The following ZMAT4 variants were observed in gnomAD, a reference collection of about 807,000 sequenced individuals.
The protein encoded by ZMAT4 is zinc finger matrin-type 4.
A neutral mutation model predicts 28.7 loss-of-function variants in ZMAT4; 17 were observed. That is an observed-to-expected ratio of 0.59 (90% CI 0.41 to 0.89). The LOEUF (loss-of-function observed/expected upper bound fraction) is 0.89. Ranked by LOEUF, ZMAT4 falls within the 40% of genes least tolerant of loss-of-function variation. The probability of loss-of-function intolerance (pLI) is 0.00; values close to 1 mark genes in which losing one functional copy is unlikely to be tolerated. For synonymous variants in ZMAT4, 117 were observed against 109.2 expected (o/e 1.07, Z -0.44); for missense variants, 240 against 283.8 (o/e 0.85, Z 1.11).
intron 5 of ZMAT4, among the ~76,000 whole-genome samples, chr8:40,660,393 A>G (rs1269719496): frequency 1.3e-5 from 2 of 152,244 alleles, no homozygotes; most frequent in African/African-American, 2.4e-5. Context: ...CATCCTTCAA[A>G]TAATGTTAGA....
At chr8:40,892,138 A>C (rs1818715205) in intron 1 of ZMAT4, among the ~76,000 whole-genome samples, 1 of 152,182 alleles carries the variant, frequency 6.6e-6, no homozygotes, top group Admixed American at 6.5e-5. Context: ...CCGTTCCGTA[A>C]GGTAACAGGT....
chr8:40,653,276 C>G (rs1169424060), intron 5 of ZMAT4, among the ~76,000 whole-genome samples: 4 of 151,782 alleles, frequency 2.6e-5, no homozygotes, highest in Admixed American at 6.6e-5. Context: ...ATATTTATAA[C>G]TATAAATAAA....
At chr8:40,786,302 G>T (rs1045935253) in intron 2 of ZMAT4, among the ~76,000 whole-genome samples, 8 of 152,106 alleles carry the variant, frequency 5.3e-5, no homozygotes, top group African/African-American at 1.9e-4. Flanking sequence ...ACAAAGGTTT[G>T]AGTCCTATTA....
chr8:40,553,201 C>T (rs1803420698), intron 6 of ZMAT4, among the ~76,000 whole-genome samples: 1 of 152,152 alleles, frequency 6.6e-6, no homozygotes, highest in Non-Finnish European at 1.5e-5. Context: ...CGTGTGAGTG[C>T]AACACCTTGG....
chr8:40,867,513 C>T (rs543014185), intron 1 of ZMAT4, among the ~76,000 whole-genome samples: 1 of 152,240 alleles, frequency 6.6e-6, no homozygotes, highest in East Asian at 1.9e-4. Flanking sequence ...TGATCTGCAC[C>T]CTCCACCCTC....
At chr8:40,820,346 ATGTGTGTGTTTG>A (rs1376127435) in intron 2 of ZMAT4, among the ~76,000 whole-genome samples, 2 of 145,002 alleles carry the variant, frequency 1.4e-5, no homozygotes. Flanking sequence ...GTGTGTGTTT[ATGTGTGTGTTTG>A]TGTGTGTCTA....
rs151214286 is a variant in ZMAT4, at chr8:40,816,372, T to C, written c.102+9203A>G. On this transcript the variant is annotated intron_variant, in intron 2 of 6. Coordinates refer to ENST00000297737, the MANE Select transcript of ZMAT4 (RefSeq NM_024645.3). ...TCCCCCTCCACTAACATATAATGACTATAATGTAAGGAAGAAAGAATTTTT... is the reference window on the plus strand; with the variant it reads ...TCCCCCTCCACTAACATATAATGACCATAATGTAAGGAAGAAAGAATTTTT... Among the ~76,000 whole-genome samples, 427 of 152,256 alleles carry C rather than the reference T, an allele frequency of 2.8e-3. 1 individual carries two copies. The highest frequency in any genetic ancestry group is 0.017 in the Middle Eastern group (5 of 294).
intron 5 of ZMAT4, among the ~76,000 whole-genome samples, chr8:40,639,196 G>T (rs77397051): frequency 0.076 from 11,564 of 152,108 alleles, 880 homozygotes; most frequent in East Asian, 0.43. Context: ...AGCTTTGCTG[G>T]TTTTTTTTAG....
At chr8:40,786,725 C>T in intron 2 of ZMAT4, 1 of 1,289,280 alleles carries the variant, frequency 7.8e-7, no homozygotes, top group Non-Finnish European at 1.0e-6. Flanking sequence ...TTCAGTGTGA[C>T]ATCTTCTTTT....
intron 5 of ZMAT4, among the ~76,000 whole-genome samples, chr8:40,611,130 C>T (rs1044579908): frequency 3.3e-5 from 5 of 152,086 alleles, no homozygotes; most frequent in African/African-American, 1.2e-4. Flanking sequence ...TTTTAATGGA[C>T]TATGCAATAG....
At position 40,822,450 on chromosome 8, in the gene ZMAT4, C is replaced by T. The variant is rs555405830; in HGVS notation, c.102+3125G>A. 2.0e-5 allele frequency among the ~76,000 whole-genome samples: 3 copies of T among 152,276 alleles called. No individual in the cohort carries two copies. In the South Asian group the frequency reaches 6.2e-4, roughly 32 times the overall value. ...TGGAGACTAAGTGTGACAGCAATTT[C>T]AATGAATTGAATGGAATTTCGATCT... On this transcript the variant is annotated intron_variant, in intron 2 of 6. Transcript: ENST00000297737.
At chr8:40,562,644 C>T (rs1651644395) in intron 6 of ZMAT4, among the ~76,000 whole-genome samples, 1 of 152,040 alleles carries the variant, frequency 6.6e-6, no homozygotes, top group Non-Finnish European at 1.5e-5. Context: ...TTTCTTTCTA[C>T]CCCAGCCATT....
intron 6 of ZMAT4, among the ~76,000 whole-genome samples, chr8:40,544,703 G>A (rs931576501): frequency 2.0e-5 from 3 of 152,082 alleles, no homozygotes; most frequent in African/African-American, 7.2e-5. Flanking sequence ...AAGTAGCAGA[G>A]ACAGTGCAAA....
chr8:40,634,293 G>A (rs1162785208), intron 5 of ZMAT4, among the ~76,000 whole-genome samples: 2 of 152,192 alleles, frequency 1.3e-5, no homozygotes, highest in African/African-American at 4.8e-5. Flanking sequence ...TGGTCCACAA[G>A]TAGGTAGAGG....
At chr8:40,588,783 A>G (rs1804753884) in intron 5 of ZMAT4, among the ~76,000 whole-genome samples, 1 of 152,170 alleles carries the variant, frequency 6.6e-6, no homozygotes, top group African/African-American at 2.4e-5. Context: ...TTCTACTCCT[A>G]GATATTTACC....
chr8:40,660,964 T>C (rs960851079), intron 5 of ZMAT4, among the ~76,000 whole-genome samples: 2 of 152,226 alleles, frequency 1.3e-5, no homozygotes, highest in African/African-American at 4.8e-5. Context: ...CATGTCTTTT[T>C]TTAGATATCA....
chr8:40,624,014 G>C (rs762374442), intron 5 of ZMAT4, among the ~76,000 whole-genome samples: 3 of 152,130 alleles, frequency 2.0e-5, no homozygotes, highest in Non-Finnish European at 4.4e-5. Context: ...AGGTCATACT[G>C]TTTTTCTTGC....
At chr8:40,803,707 T>C (rs1476416611) in intron 2 of ZMAT4, among the ~76,000 whole-genome samples, 2 of 152,108 alleles carry the variant, frequency 1.3e-5, no homozygotes, top group Admixed American at 1.3e-4. Context: ...TTCCATATAA[T>C]CCAGAAATCA....
intron 2 of ZMAT4, among the ~76,000 whole-genome samples, chr8:40,802,701 C>T (rs926388459): frequency 6.6e-6 from 1 of 152,046 alleles, no homozygotes; most frequent in Non-Finnish European, 1.5e-5. Flanking sequence ...TTGTGGATAA[C>T]TTTGAATCAA....
Sources: gnomAD v4.1 joint callset for allele counts (sites outside exome capture counted in the v4.1 genomes callset) on GRCh38, gnomAD v4.1.1 for gene constraint, MANE v1.5 for transcripts, NCBI Gene and HGNC (gene_info 2026-07-23, HGNC 2026-07-21) for gene names.